EYA1: variants seen among roughly 807,000 people sequenced by gnomAD.
EYA1 encodes EYA transcriptional coactivator and phosphatase 1, also known as protein phosphatase EYA1.
Under a neutral mutation model 82.0 loss-of-function variants are expected in EYA1, and 16 were observed. That is an observed-to-expected ratio of 0.20 (90% CI 0.13 to 0.30). The LOEUF (loss-of-function observed/expected upper bound fraction) is 0.30. EYA1 is among the 10% of genes least tolerant of loss of function. The pLI, the probability that EYA1 is intolerant of heterozygous loss-of-function variation, is 1.00. For synonymous variants in EYA1, 261 were observed against 264.4 expected (o/e 0.99, Z 0.12); for missense variants, 633 against 730.7 (o/e 0.87, Z 1.54).
At chr8:71,203,006 T>A (rs571950202) in intron 17 of EYA1, among the ~76,000 whole-genome samples, 1 of 152,324 alleles carries the variant, frequency 6.6e-6, no homozygotes, top group South Asian at 2.1e-4. Flanking sequence ...AAGTAAACTT[T>A]TTTTTCTCTT....
Position 71,330,683 on chromosome 8 carries a change from C to T in EYA1, c.202+3414G>A, listed in dbSNP as rs201437784. 3.9e-5 allele frequency among the ~76,000 whole-genome samples: 6 copies of T among 152,200 alleles called. No individual in the cohort carries two copies. In the East Asian group the frequency reaches 1.2e-3, roughly 29 times the overall value. On this transcript the variant is annotated intron_variant, in intron 4 of 17. Coordinates refer to ENST00000340726, the MANE Select transcript of EYA1 (RefSeq NM_000503.6). ...CAGCAGGGACAAGGATAAAGTTCAT[C>T]CATCTACTGAAACTGCCACAGGCTA...
intron 9 of EYA1, among the ~76,000 whole-genome samples, chr8:71,289,706 G>A (rs1170293571): frequency 6.6e-6 from 1 of 152,190 alleles, no homozygotes; most frequent in Admixed American, 6.5e-5. Context: ...TCTATCTCAT[G>A]GAGCTGGGTG....
At chr8:71,267,749 TGTG>T (rs1375112546) in intron 11 of EYA1, among the ~76,000 whole-genome samples, 2 of 152,026 alleles carry the variant, frequency 1.3e-5, no homozygotes, top group Non-Finnish European at 2.9e-5. Flanking sequence ...GGGGTTTCAC[TGTG>T]TTAGCCAGGA....
At chr8:71,533,435 G>A (rs2129285797) in intron 2 of EYA1, among the ~76,000 whole-genome samples, 1 of 152,270 alleles carries the variant, frequency 6.6e-6, no homozygotes, top group Non-Finnish European at 1.5e-5. Flanking sequence ...ACATAAACTT[G>A]TGAAAGATGA....
intron 7 of EYA1, among the ~76,000 whole-genome samples, chr8:71,314,323 G>T (rs183719472): frequency 6.6e-6 from 1 of 152,026 alleles, no homozygotes; most frequent in Non-Finnish European, 1.5e-5. Context: ...TAAGAACTAC[G>T]TATTAATCAC....
intron 17 of EYA1, 91 bp from the exon 18 acceptor site, chr8:71,199,511 A>AT: frequency 1.3e-6 from 1 of 777,344 alleles, no homozygotes; most frequent in South Asian, 1.5e-5. Context: ...GCTGACCCCC[A>AT]TTTTCAGTAT....
intron 9 of EYA1, among the ~76,000 whole-genome samples, chr8:71,283,456 G>C (rs191163950): frequency 5.5e-4 from 83 of 152,222 alleles, no homozygotes; most frequent in African/African-American, 1.9e-3. Context: ...TGACGGCAGA[G>C]GCTTGATTTT....
At chr8:71,507,236 G>T (rs1487661054) in intron 2 of EYA1, among the ~76,000 whole-genome samples, 1 of 152,114 alleles carries the variant, frequency 6.6e-6, no homozygotes, top group Non-Finnish European at 1.5e-5. Context: ...TAAGACATTT[G>T]CCCAAGGTCA....
chr8:71,547,226 C>T (rs1815697906), intron 1 of EYA1, among the ~76,000 whole-genome samples: 1 of 152,238 alleles, frequency 6.6e-6, no homozygotes, highest in African/African-American at 2.4e-5. Context: ...ATCTGCCTGC[C>T]TGGGCTGCCC....
Position 71,322,138 on chromosome 8 carries a change from TTAAA to T in EYA1, c.272+57_272+60del, listed in dbSNP as rs1176014872. On this transcript the variant is annotated intron_variant, in intron 5 of 17. Transcript: ENST00000340726. ...GGAACATGTGGGCACAGACATGACT[TTAAA>T]TAAATAAAAGTCTACTCAGAGAAGT... The T allele has an allele frequency of 9.3e-5, 131 of 1,405,416 alleles. 1 individual carries two copies. The Middle Eastern group carries it at 1.1e-3, about 11-fold the overall frequency. 87.1% of individuals were successfully genotyped at this position (1,405,416 alleles called of 1,614,324 possible). A position where few individuals can be genotyped will look rare whatever the true frequency, so the allele number is the denominator to read the frequency against.
intron 2 of EYA1, among the ~76,000 whole-genome samples, chr8:71,535,378 T>A (rs956240914): frequency 6.6e-6 from 1 of 152,156 alleles, no homozygotes; most frequent in African/African-American, 2.4e-5. Context: ...CAAATACATG[T>A]AAAAGAATCC....
intron 4 of EYA1, among the ~76,000 whole-genome samples, chr8:71,322,730 TC>T (rs1478158624): frequency 6.6e-6 from 1 of 152,174 alleles, no homozygotes; most frequent in African/African-American, 2.4e-5. Context: ...AGAAACATGG[TC>T]TAATCTTCTC....
chr8:71,452,343 G>T (rs1377417041), intron 2 of EYA1, among the ~76,000 whole-genome samples: 1 of 152,204 alleles, frequency 6.6e-6, no homozygotes, highest in East Asian at 1.9e-4. Context: ...ACCTCTGGGG[G>T]CAGGGCATAG....
At chr8:71,547,825 G>A (rs1815786676) in intron 1 of EYA1, 1 of 150,924 alleles carries the variant, frequency 6.6e-6, no homozygotes, top group Non-Finnish European at 1.5e-5. Flanking sequence ...GCGGGCGCGG[G>A]GGACCCTGGC....
chr8:71,455,497 C>A (rs1481806403), intron 2 of EYA1, among the ~76,000 whole-genome samples: 1 of 152,106 alleles, frequency 6.6e-6, no homozygotes, highest in Middle Eastern at 3.2e-3. Flanking sequence ...AACATCAATG[C>A]AAAAATCCTC....
At chr8:71,542,644 C>T (rs148960604) in intron 1 of EYA1, among the ~76,000 whole-genome samples, 50 of 152,212 alleles carry the variant, frequency 3.3e-4, no homozygotes, top group African/African-American at 1.2e-3. Context: ...GCCACACTGT[C>T]TTCCACAATG....
At chr8:71,443,878 G>A (rs1298988220) in intron 2 of EYA1, among the ~76,000 whole-genome samples, 1 of 152,226 alleles carries the variant, frequency 6.6e-6, no homozygotes, top group Non-Finnish European at 1.5e-5. Context: ...GAAAGCTAAA[G>A]TGTTAGTGAG....
intron 2 of EYA1, among the ~76,000 whole-genome samples, chr8:71,367,977 T>A (rs1827853186): frequency 1.3e-5 from 2 of 152,192 alleles, no homozygotes. Context: ...GAGGAATGCT[T>A]GTTTTAGATG....
At chr8:71,223,223 C>G (rs903041831) in intron 12 of EYA1, among the ~76,000 whole-genome samples, 1 of 152,084 alleles carries the variant, frequency 6.6e-6, no homozygotes, top group African/African-American at 2.4e-5. Flanking sequence ...ATTAGGCCAC[C>G]GTCATGGCAG....
Sources: gnomAD v4.1 joint callset for allele counts (sites outside exome capture counted in the v4.1 genomes callset) on GRCh38, gnomAD v4.1.1 for gene constraint, MANE v1.5 for transcripts, NCBI Gene and HGNC (gene_info 2026-07-23, HGNC 2026-07-21) for gene names.